The following DOCK3 variants were observed in gnomAD, a reference collection of about 807,000 sequenced individuals.
DOCK3 encodes dedicator of cytokinesis 3.
A neutral mutation model predicts 265.6 loss-of-function variants in DOCK3; 60 were observed. That is an observed-to-expected ratio of 0.23 (90% CI 0.18 to 0.28). The LOEUF is 0.28. Ranked by LOEUF, DOCK3 falls within the 10% of genes least tolerant of loss-of-function variation. The pLI, the probability that DOCK3 is intolerant of heterozygous loss-of-function variation, is 1.00. For synonymous variants in DOCK3, 881 were observed against 938.0 expected, an observed-to-expected ratio of 0.94 and a Z score of 1.11; for missense variants, 1,981 against 2,594.3, an observed-to-expected ratio of 0.76 and a Z score of 5.14.
chr3:51,270,173 A>G (rs1484523313), intron 23 of DOCK3, among the ~76,000 whole-genome samples: 3 of 152,218 alleles, frequency 2.0e-5, no homozygotes, highest in African/African-American at 4.8e-5. Context: ...GCCCACGTCA[A>G]CAGTCCTCAA....
chr3:50,911,426 A>G lies in DOCK3; in HGVS notation c.218+21345A>G, dbSNP rs144001939. On this transcript the variant is annotated intron_variant, in intron 4 of 52. Transcript: ENST00000266037. Reference sequence around the variant, plus strand: ...GATTGAATATACTGTCCTTTCTCCAATGTATGTTTTTGCCACATTTGACAA... The same window carrying G: ...GATTGAATATACTGTCCTTTCTCCAGTGTATGTTTTTGCCACATTTGACAA... 1.9e-3 allele frequency among the ~76,000 whole-genome samples: 288 copies of G among 152,094 alleles called. 5 individuals carry two copies. Among genetic ancestry groups the G allele is most frequent in the African/African-American group, 6.6e-3 (272 of 41,436 alleles).
chr3:50,948,918 T>G (rs1198420590), intron 5 of DOCK3, among the ~76,000 whole-genome samples: 2 of 152,220 alleles, frequency 1.3e-5, no homozygotes, highest in African/African-American at 4.8e-5. Flanking sequence ...GATGGACATA[T>G]AGATCAATGA....
chr3:51,248,881 C>T lies in DOCK3; in HGVS notation c.2184+2074C>T, dbSNP rs1340099346. Reference sequence around the variant, plus strand: ...GATGTGAGGAGCGCCTCTGCCCGGCCGCCACCCCGTCTGGGAGGTGAGGAG... The same window carrying T: ...GATGTGAGGAGCGCCTCTGCCCGGCTGCCACCCCGTCTGGGAGGTGAGGAG... On this transcript the variant is annotated intron_variant, in intron 22 of 52. Coordinates refer to ENST00000266037, the MANE Select transcript of DOCK3 (RefSeq NM_004947.5). 1.9e-3 allele frequency among the ~76,000 whole-genome samples: 280 copies of T among 148,948 alleles called. 2 individuals carry two copies. The highest frequency in any genetic ancestry group is 6.6e-4 in the Non-Finnish European group (44 of 67,078).
At chr3:51,178,018 C>A in intron 12 of DOCK3, among the ~76,000 whole-genome samples, 3 of 80,814 alleles carry the variant, frequency 3.7e-5, no homozygotes, top group African/African-American at 1.2e-4. Context: ...CAAAAAAAAA[C>A]TCAAAATAGT....
chr3:50,867,758 C>T (rs556265143), intron 3 of DOCK3, among the ~76,000 whole-genome samples: 23 of 152,146 alleles, frequency 1.5e-4, no homozygotes. Flanking sequence ...ACCATCCTTC[C>T]ATCCCAGGGA....
chr3:51,244,667 G>A (rs2078747481), intron 21 of DOCK3, among the ~76,000 whole-genome samples: 1 of 152,084 alleles, frequency 6.6e-6, no homozygotes, highest in Non-Finnish European at 1.5e-5. Flanking sequence ...GAATGTCTTT[G>A]ATTTCTTTTT....
At chr3:51,349,871 G>T (rs1376508949) in intron 39 of DOCK3, among the ~76,000 whole-genome samples, 1 of 152,176 alleles carries the variant, frequency 6.6e-6, no homozygotes, top group Non-Finnish European at 1.5e-5. Context: ...GAGAATTGAT[G>T]GTAGCCAGCT....
At chr3:51,158,126 A>C (rs2085946633) in intron 10 of DOCK3, among the ~76,000 whole-genome samples, 1 of 152,188 alleles carries the variant, frequency 6.6e-6, no homozygotes, top group Non-Finnish European at 1.5e-5. Flanking sequence ...TGGCTGAGAG[A>C]GCAGCAAGAA....
intron 43 of DOCK3, 28 bp from the exon 44 acceptor site, chr3:51,356,934 G>T: frequency 6.3e-7 from 1 of 1,591,468 alleles, no homozygotes; most frequent in Non-Finnish European, 8.6e-7. Flanking sequence ...TCATTTCTGG[G>T]ATGACTCTGT....
chr3:51,205,030 G>T (rs535884929), intron 12 of DOCK3, among the ~76,000 whole-genome samples: 5 of 152,096 alleles, frequency 3.3e-5, no homozygotes, highest in Non-Finnish European at 7.4e-5. Context: ...GTGGGGGTAG[G>T]GGGGAGGGAT....
chr3:50,880,922 A>G (rs1251011393), intron 3 of DOCK3, among the ~76,000 whole-genome samples: 1 of 152,228 alleles, frequency 6.6e-6, no homozygotes, highest in Non-Finnish European at 1.5e-5. Context: ...CAAAAAGCTT[A>G]TCCACCATGA....
intron 27 of DOCK3, among the ~76,000 whole-genome samples, chr3:51,292,514 G>C (rs2081841510): frequency 6.6e-6 from 1 of 152,172 alleles, no homozygotes; most frequent in Admixed American, 6.5e-5. Context: ...GCTCACACTT[G>C]TAATACCAGC....
intron 1 of DOCK3, among the ~76,000 whole-genome samples, chr3:50,724,547 T>C (rs2037690605): frequency 6.6e-6 from 1 of 152,120 alleles, no homozygotes; most frequent in African/African-American, 2.4e-5. Context: ...TGCAGGGACA[T>C]GGATGAAACT....
At position 51,330,789 on chromosome 3, in the gene DOCK3, C is replaced by T. The variant is rs187575122; in HGVS notation, c.3488+566C>T. Reference sequence around the variant, plus strand: ...CTTGAGTTGATGGAGGCCAAGAGACCTGAAGAGAGACCCAGGGGAACTATG... The same window carrying T: ...CTTGAGTTGATGGAGGCCAAGAGACTTGAAGAGAGACCCAGGGGAACTATG... On this transcript the variant is annotated intron_variant, in intron 33 of 52. Transcript: ENST00000266037. Among the ~76,000 whole-genome samples, 50 of 152,252 alleles carry T rather than the reference C, an allele frequency of 3.3e-4. 1 individual carries two copies. The Middle Eastern group carries it at 0.017, about 52-fold the overall frequency.
intron 12 of DOCK3, among the ~76,000 whole-genome samples, chr3:51,208,492 A>G (rs1292022810): frequency 6.6e-6 from 1 of 152,226 alleles, no homozygotes; most frequent in Non-Finnish European, 1.5e-5. Flanking sequence ...AACGGGTGAT[A>G]GAAAAGAAAC....
At chr3:51,061,005 C>T (rs1310490552) in intron 5 of DOCK3, among the ~76,000 whole-genome samples, 1 of 152,076 alleles carries the variant, frequency 6.6e-6, no homozygotes, top group Non-Finnish European at 1.5e-5. Context: ...ATCAAAACCA[C>T]AATGAGATAC....
At position 50,770,916 on chromosome 3, in the gene DOCK3, T is replaced by C. The variant is rs192017439; in HGVS notation, c.38-7759T>C. Among the ~76,000 whole-genome samples, 138 of 152,260 alleles carry C rather than the reference T, an allele frequency of 9.1e-4. 2 individuals are homozygous for C. In the East Asian group the frequency reaches 0.02, roughly 22 times the overall value. ...GGGAAATTGGATATCCATATATAGA[T>C]GAATGAAGCTAGACACCTATTTCTT... On this transcript the variant is annotated intron_variant, in intron 1 of 52. Coordinates refer to ENST00000266037, the MANE Select transcript of DOCK3 (RefSeq NM_004947.5).
chr3:51,141,700 A>G (rs2085075413), intron 9 of DOCK3, among the ~76,000 whole-genome samples: 1 of 152,182 alleles, frequency 6.6e-6, no homozygotes, highest in South Asian at 2.1e-4. Flanking sequence ...CTCTCCAAGA[A>G]TGGCTTTTAG....
Position 50,937,276 on chromosome 3 carries a change from T to TAAA in DOCK3, c.315+3218_315+3220dup, listed in dbSNP as rs60209788. Among the ~76,000 whole-genome samples the TAAA allele has an allele frequency of 2.8e-3, 305 of 110,662 alleles. 2 individuals carry two copies. The highest frequency in any genetic ancestry group is 5.6e-3 in the Middle Eastern group (1 of 180). The allele number at this position is 110,662 out of a possible 152,430, so 72.6% of individuals were successfully genotyped here. A position where few individuals can be genotyped will look rare whatever the true frequency, so the allele number is the denominator to read the frequency against. ...TGGGCGATGAGAGCAAAACTCCATC[T>TAAA]AAAAAAAAAAAAAAAAAAAAATTTA... On this transcript the variant is annotated intron_variant, in intron 5 of 52. Coordinates refer to ENST00000266037, the MANE Select transcript of DOCK3 (RefSeq NM_004947.5).
Sources: gnomAD v4.1 joint callset for allele counts (sites outside exome capture counted in the v4.1 genomes callset) on GRCh38, gnomAD v4.1.1 for gene constraint, MANE v1.5 for transcripts, NCBI Gene and HGNC (gene_info 2026-07-23, HGNC 2026-07-21) for gene names.